ZNF212: variants seen among roughly 807,000 people sequenced by gnomAD.
ZNF212 encodes zinc finger protein 212.
In ZNF212, 32 loss-of-function variants were observed where a neutral mutation model predicts 47.3. That is an observed-to-expected ratio of 0.68 (90% confidence interval 0.51 to 0.91). The LOEUF (loss-of-function observed/expected upper bound fraction) is 0.91, where lower values mean the gene tolerates loss of function less well. ZNF212 is among the 40% of genes least tolerant of loss of function. The pLI is 0.00. For synonymous variants in ZNF212, 242 were observed against 253.8 expected (o/e 0.95, Z 0.44); for missense variants, 555 against 622.8 (o/e 0.89, Z 1.16).
intron 3 of ZNF212, chr7:149,251,070 C>G (rs201849267): frequency 5.5e-6 from 2 of 363,142 alleles, no homozygotes; most frequent in African/African-American, 4.3e-5. Flanking sequence ...TTTTTTTTTC[C>G]TGTGGTCACA....
At chr7:149,252,571 G>C in intron 3 of ZNF212, 135 bp from the exon 4 acceptor site, 1 of 773,744 alleles carries the variant, frequency 1.3e-6, no homozygotes, top group Non-Finnish European at 2.1e-6. Context: ...AACTGCTAGG[G>C]GAAACTGACA....
intron 1 of ZNF212, among the ~76,000 whole-genome samples, chr7:149,246,813 C>CTTTTTTTTTTTTTTTTTTTTTTTTTTTTT (rs71194633): frequency 9.7e-6 from 1 of 103,592 alleles, no homozygotes. Flanking sequence ...TGTCTGAATT[C>CTTTTTTTTTTTTTTTTTTTTTTTTTTTTT]TTTTTTTTTT....
rs10263275 is a variant in ZNF212, at chr7:149,250,149, A to G, written c.25-10A>G. ...GAAGTGACATTGACCCTGTGTCTTT[A>G]ATCCATCAGCACAGGAGAAAACGAC... On this transcript the variant is annotated splice_polypyrimidine_tract_variant and intron_variant, in intron 1 of 4. Transcript: ENST00000335870. 29,616 of 1,505,374 alleles carry G rather than the reference A, an allele frequency of 0.02. 584 individuals carry two copies. The highest frequency in any genetic ancestry group is 0.087 in the African/African-American group (6,229 of 71,568). The allele number at this position is 1,505,374 out of a possible 1,614,324, so 93.3% of individuals were successfully genotyped here.
In ZNF212 at chr7:149,254,167, C is replaced by T; in HGVS notation, c.1240C>T (p.Leu414=). Residue 414 remains leucine, a synonymous_variant, in exon 5 of 5, where the codon CTG becomes TTG. Coordinates refer to ENST00000335870, the MANE Select transcript of ZNF212 (RefSeq NM_012256.4). The surrounding 1 kb of genome is among the most constrained non-coding windows in gnomAD (Gnocchi z 4.5). ...GTTCTCACCCAACAGCCTGGTTGCC[C>T]TGCCTGGCCACATCCCTTGGAGGAA... ...ERFSPNSLVA[L]PGHIPWRKSR... 6.2e-7 allele frequency: 1 copy of T among 1,614,258 alleles called. No homozygotes were observed. The highest frequency in any genetic ancestry group is 8.5e-7 in the Non-Finnish European group (1 of 1,180,036).
intron 1 of ZNF212, among the ~76,000 whole-genome samples, chr7:149,242,021 CTTTTTTT>C (rs34883587): frequency 8.2e-6 from 1 of 121,344 alleles, no homozygotes; most frequent in African/African-American, 3.1e-5. Flanking sequence ...CTTTTCTTTT[CTTTTTTT>C]TTTTTTTTTT....
intron 1 of ZNF212, among the ~76,000 whole-genome samples, chr7:149,243,560 G>T (rs539007664): frequency 3.3e-5 from 5 of 150,602 alleles, no homozygotes; most frequent in African/African-American, 1.2e-4. Flanking sequence ...TGAAAATAAA[G>T]TTGACAAATA....
intron 4 of ZNF212, among the ~76,000 whole-genome samples, 178 bp from the exon 5 acceptor site, chr7:149,253,381 T>C (rs1017778018): frequency 6.6e-6 from 1 of 152,224 alleles, no homozygotes; most frequent in Non-Finnish European, 1.5e-5. Context: ...TTGGAAAAAC[T>C]GTACATGAAT....
chr7:149,248,332 C>T (rs989616362), intron 1 of ZNF212, among the ~76,000 whole-genome samples: 1 of 152,120 alleles, frequency 6.6e-6, no homozygotes, highest in Non-Finnish European at 1.5e-5. Flanking sequence ...TCATTTTAAC[C>T]TGATTACCCT....
chr7:149,249,605 C>T (rs1168148779), intron 1 of ZNF212, among the ~76,000 whole-genome samples: 2 of 152,082 alleles, frequency 1.3e-5, no homozygotes, highest in East Asian at 3.9e-4. Flanking sequence ...TTTAGAAATA[C>T]ACCAAAATTC....
chr7:149,251,291 T>A (rs1420602568), intron 3 of ZNF212: 1 of 161,444 alleles, frequency 6.2e-6, no homozygotes, highest in East Asian at 1.9e-4. Context: ...TTCAAGCGAT[T>A]CTCCTGCCTC....
intron 4 of ZNF212, among the ~76,000 whole-genome samples, 156 bp downstream of exon 4, chr7:149,252,951 C>A (rs944966463): frequency 6.6e-6 from 1 of 152,200 alleles, no homozygotes; most frequent in African/African-American, 2.4e-5. Context: ...TCAGCTGTTA[C>A]ATATGCCTCA....
In ZNF212 at chr7:149,253,421, C is replaced by T. The variant is rs555814501; in HGVS notation, c.632-138C>T. 3.8e-4 allele frequency: 390 copies of T among 1,026,452 alleles called. 4 individuals carry two copies. In the South Asian group the frequency reaches 6.7e-3, roughly 18 times the overall value. The allele number at this position is 1,026,452 out of a possible 1,614,324, so 63.6% of individuals were successfully genotyped here. A position where few individuals can be genotyped will look rare whatever the true frequency, so the allele number is the denominator to read the frequency against. On this transcript the variant is annotated intron_variant, in intron 4 of 4. Coordinates refer to ENST00000335870, the MANE Select transcript of ZNF212 (RefSeq NM_012256.4). ...TTTTATAGAAGTCTTGGAACCTAGC[C>T]AGTGTCATCCTCCTCCACGTTATCC...
At chr7:149,242,289 TG>T (rs1208606184) in intron 1 of ZNF212, among the ~76,000 whole-genome samples, 2 of 151,238 alleles carry the variant, frequency 1.3e-5, no homozygotes, top group Admixed American at 1.3e-4. Context: ...CCCAAAGTGC[TG>T]GGATTACCAC....
intron 1 of ZNF212, among the ~76,000 whole-genome samples, chr7:149,244,127 G>C (rs866211037): frequency 1.1e-4 from 16 of 151,324 alleles, no homozygotes; most frequent in African/African-American, 3.2e-4. Flanking sequence ...TAGAGACAGG[G>C]TTTCATCATG....
intron 1 of ZNF212, among the ~76,000 whole-genome samples, chr7:149,244,591 G>A (rs1488021567): frequency 6.6e-6 from 1 of 152,214 alleles, no homozygotes; most frequent in African/African-American, 2.4e-5. Context: ...GGAATTATGG[G>A]CGTGAGCCAC....
chr7:149,247,807 A>G (rs568247406), intron 1 of ZNF212, among the ~76,000 whole-genome samples: 1 of 152,168 alleles, frequency 6.6e-6, no homozygotes, highest in African/African-American at 2.4e-5. Flanking sequence ...TAATCTTGAC[A>G]TGGCCCATTA....
intron 3 of ZNF212, 28 bp downstream of exon 3, chr7:149,250,835 C>G: frequency 6.2e-7 from 1 of 1,613,028 alleles, no homozygotes; most frequent in Non-Finnish European, 8.5e-7. Flanking sequence ...CCCTAGAATT[C>G]TGTCTCAGAC....
Position 149,250,695 on chromosome 7 carries a change from G to A in ZNF212, c.429G>A (p.Leu143=). The A allele has an allele frequency of 6.2e-7, 1 of 1,614,212 alleles. No homozygotes were observed. The highest frequency in any genetic ancestry group is 8.5e-7 in the Non-Finnish European group (1 of 1,180,044). The change falls in exon 3 of 5, where the codon CTG becomes CTA. Residue 143 remains leucine, a synonymous_variant. Transcript: ENST00000335870. The part of the protein sequence containing the change: ...KGEAPKVSRS[L]ENDGVCFTEQ... ...GGTGATTCCAGGTGTCCAGGTCACT[G>A]GAGAATGATGGCGTCTGTTTCACCG...
In ZNF212 at chr7:149,239,826, CTCGAGGGCGCGTTGGG is replaced by C. The variant is rs577493516; in HGVS notation, c.24+25_24+40del. 904 of 1,271,558 alleles carry C rather than the reference CTCGAGGGCGCGTTGGG, an allele frequency of 7.1e-4. 7 individuals carry two copies. The African/African-American group carries it at 0.013, about 18-fold the overall frequency. 78.8% of individuals were successfully genotyped at this position (1,271,558 alleles called of 1,614,324 possible). Reference sequence around the variant, plus strand: ...GGGTAAAGAGGCACCGGCGCGCTGGCTCGAGGGCGCGTTGGGGATGGCGGAGTCCCCTGCCGGGGGC... The same window carrying C: ...GGGTAAAGAGGCACCGGCGCGCTGGCGATGGCGGAGTCCCCTGCCGGGGGC... On this transcript the variant is annotated intron_variant, in intron 1 of 4. Transcript: ENST00000335870.
Sources: gnomAD v4.1 joint callset for allele counts (sites outside exome capture counted in the v4.1 genomes callset) on GRCh38, gnomAD v4.1.1 for gene constraint, Gnocchi (gnomAD v3.1) non-coding constraint, MANE v1.5 for transcripts, NCBI Gene and HGNC (gene_info 2026-07-23, HGNC 2026-07-21) for gene names.